The following TSPEAR variants were observed in gnomAD, a reference collection of about 807,000 sequenced individuals.
TSPEAR encodes thrombospondin type laminin G domain and EAR repeats.
TSPEAR carries 69 observed loss-of-function variants against 71.6 expected under a neutral mutation model. The ratio of observed to expected loss-of-function variants is 0.96; its 90% CI spans 0.79 to 1.18. The LOEUF (loss-of-function observed/expected upper bound fraction) is 1.18, where lower values mean the gene tolerates loss of function less well. Among genes scored for constraint, TSPEAR ranks in the 50% most tolerant of loss-of-function variants. The pLI, the probability that TSPEAR is intolerant of heterozygous loss-of-function variation, is 0.00. For missense variants in TSPEAR, 971 were observed against 894.9 expected, an observed-to-expected ratio of 1.09 and a Z score of -1.09; for synonymous variants, 402 against 387.2, an observed-to-expected ratio of 1.04 and a Z score of -0.45.
At chr21:44,563,017 T>C (rs1555921300) in intron 2 of TSPEAR, among the ~76,000 whole-genome samples, 1 of 152,172 alleles carries the variant, frequency 6.6e-6, no homozygotes, top group Non-Finnish European at 1.5e-5. Context: ...TAAAAAGCAA[T>C]ATAAAAAGGT....
At chr21:44,598,358 A>G (rs909983783) in intron 1 of TSPEAR, among the ~76,000 whole-genome samples, 6 of 152,248 alleles carry the variant, frequency 3.9e-5, no homozygotes, top group Admixed American at 1.3e-4. Flanking sequence ...CGTTAGGAAT[A>G]AAAACTTCTA....
At chr21:44,671,368 G>A (rs1339850900) in intron 1 of TSPEAR, among the ~76,000 whole-genome samples, 2 of 152,206 alleles carry the variant, frequency 1.3e-5, no homozygotes, top group African/African-American at 4.8e-5. Context: ...TAGCACATAA[G>A]CAAGCTGTCT....
chr21:44,602,691 T>C (rs898446039), intron 1 of TSPEAR, among the ~76,000 whole-genome samples: 2 of 152,146 alleles, frequency 1.3e-5, no homozygotes, highest in South Asian at 2.1e-4. Flanking sequence ...ACGTGACCAG[T>C]CCCCGGGTAC....
intron 1 of TSPEAR, among the ~76,000 whole-genome samples, chr21:44,701,980 TC>T (rs1305497757): frequency 4.6e-5 from 7 of 152,154 alleles, no homozygotes; most frequent in African/African-American, 1.7e-4. Context: ...TTCCGTGAGA[TC>T]CACGTTCTCT....
At position 44,612,920 on chromosome 21, in the gene TSPEAR, C is replaced by T. The variant is rs375911251; in HGVS notation, c.83-44915G>A. 1.1e-4 allele frequency: 171 copies of T among 1,602,728 alleles called. No homozygotes were observed. The African/African-American group carries it at 1.7e-3, about 16-fold the overall frequency. On this transcript the variant is annotated intron_variant, in intron 1 of 11. Transcript: ENST00000323084. This position sits in a 1 kb window ranked among gnomAD's most constrained non-coding sequence, Gnocchi z 4.1. Reference sequence around the variant, plus strand: ...CCAGGAGTCCAGCTGCTGATGGGCACGTCCCCCAGGGCCAGCCGGCTCCGG... The same window carrying T: ...CCAGGAGTCCAGCTGCTGATGGGCATGTCCCCCAGGGCCAGCCGGCTCCGG...
chr21:44,644,270 G>A (rs1290034364), intron 1 of TSPEAR, among the ~76,000 whole-genome samples: 2 of 152,196 alleles, frequency 1.3e-5, no homozygotes, highest in East Asian at 3.8e-4. Context: ...TGTTGTGGCT[G>A]ACGTAAAAAG....
In TSPEAR at chr21:44,509,327, C is replaced by T; in HGVS notation, c.1626G>A (p.Val542=). 6.2e-7 allele frequency: 1 copy of T among 1,614,034 alleles called. No homozygotes were observed. The change falls in exon 10 of 12, where the codon GTG becomes GTA. Residue 542 remains valine, a synonymous_variant. Coordinates refer to ENST00000323084, the MANE Select transcript of TSPEAR (RefSeq NM_144991.3). ...CCACATCGTAGCTGTGACTGTTTGC[C>T]ACAGCGAGGAAGATCCTCTCCCCGA... ...FQIGERIFLA[V]ANSHSYDVEM... is the part of the protein sequence containing the mutation.
intron 2 of TSPEAR, among the ~76,000 whole-genome samples, chr21:44,565,743 A>G (rs2053694629): frequency 6.6e-6 from 1 of 152,264 alleles, no homozygotes; most frequent in African/African-American, 2.4e-5. Flanking sequence ...TGAAGAATCC[A>G]CAGTTAATAT....
At chr21:44,674,939 G>A (rs73234826) in intron 1 of TSPEAR, among the ~76,000 whole-genome samples, 5,984 of 150,836 alleles carry the variant, frequency 0.04, 131 homozygotes, top group Middle Eastern at 0.083. Context: ...GTAATAAAAA[G>A]TCTCCCAGCA....
At chr21:44,530,509 C>G (rs2052947544) in intron 4 of TSPEAR, among the ~76,000 whole-genome samples, 1 of 148,172 alleles carries the variant, frequency 6.7e-6, no homozygotes, top group African/African-American at 2.6e-5. Flanking sequence ...CTGTTCATCT[C>G]TCCACGCATC....
At chr21:44,556,757 A>C (rs2053538112) in intron 2 of TSPEAR, among the ~76,000 whole-genome samples, 1 of 152,204 alleles carries the variant, frequency 6.6e-6, no homozygotes, top group Non-Finnish European at 1.5e-5. Context: ...TGTTTGACCC[A>C]TCATCCTGCT....
chr21:44,555,636 A>G (rs170846), intron 2 of TSPEAR, among the ~76,000 whole-genome samples: 35,629 of 151,842 alleles, frequency 0.23, 4,522 homozygotes, highest in East Asian at 0.37. Context: ...CCCAGTCCTT[A>G]TGTGGTGAGT....
chr21:44,599,172 C>CTCTCTCTCTCTCTCTCT lies in TSPEAR; in HGVS notation c.83-31168_83-31167insAGAGAGAGAGAGAGAGA, dbSNP rs1372930980. Among the ~76,000 whole-genome samples, 557 of 145,918 alleles carry CTCTCTCTCTCTCTCTCT rather than the reference C, an allele frequency of 3.8e-3. 1 individual carries two copies. Among genetic ancestry groups the CTCTCTCTCTCTCTCTCT allele is most frequent in the East Asian group, 5.6e-3 (28 of 5,006 alleles). On this transcript the variant is annotated intron_variant, in intron 1 of 11. Transcript: ENST00000323084. ...TCTCTCTCTCTCTCTCTCTCTCTCTCCTTCCATCCCATAGGACCAGATCCT... is the reference window on the plus strand; with the variant it reads ...TCTCTCTCTCTCTCTCTCTCTCTCTCTCTCTCTCTCTCTCTCTCTTCCATCCCATAGGACCAGATCCT...
In TSPEAR at chr21:44,525,654, T is replaced by C. The variant is rs200789378; in HGVS notation, c.1335A>G (p.Glu445=). Residue 445 remains glutamate, a splice_region_variant and synonymous_variant, in exon 8 of 12, where the codon GAA becomes GAG. Coordinates refer to ENST00000323084, the MANE Select transcript of TSPEAR (RefSeq NM_144991.3). ...EHFLAVANHR[E]GDNHNIDSVI... ...GTGTGAAGGCCACTCCTGCCCTACC[T>C]TCCCGGTGGTTGGCCACCGCCAGGA... The C allele has an allele frequency of 1.3e-4, 213 of 1,614,044 alleles. 2 individuals are homozygous for C. In the Middle Eastern group the frequency reaches 1.5e-3, roughly 11 times the overall value.
rs376759662 is a variant in TSPEAR at position 44,525,815 on chromosome 21, C to G, written c.1174G>C (p.Glu392Gln). ...KKIFLAVANF[E>Q]PDEKGQEFSV... Reference sequence around the variant, plus strand: ...AACTCCTGACCCTTCTCATCTGGTTCAAAATTAGCCACTGCCAGGAAGATC... The same window carrying G: ...AACTCCTGACCCTTCTCATCTGGTTGAAAATTAGCCACTGCCAGGAAGATC... The change falls in exon 8 of 12, where the codon GAA becomes CAA. Residue 392 changes from glutamate to glutamine, a missense_variant. By Grantham distance (29) the Glu-to-Gln change is conservative (BLOSUM62 2). Coordinates refer to ENST00000323084, the MANE Select transcript of TSPEAR (RefSeq NM_144991.3). The G allele has an allele frequency of 3.1e-6, 5 of 1,613,962 alleles. No homozygotes were observed. The highest frequency in any genetic ancestry group is 1.7e-5 in the Admixed American group (1 of 60,010).
rs111167388 is a variant in TSPEAR, at chr21:44,524,119, A to T, written c.1336+1534T>A. Among the ~76,000 whole-genome samples the T allele has an allele frequency of 1.9e-3, 277 of 148,686 alleles. 1 individual carries two copies. The highest frequency in any genetic ancestry group is 6.6e-3 in the African/African-American group (265 of 40,450). On this transcript the variant is annotated intron_variant, in intron 8 of 11. Transcript: ENST00000323084. Reference sequence around the variant, plus strand: ...GTGAGGTAGTCAGGTAGTCAGTCAGATAGTCAGTCAGTCAGTGAGGTAGTC... The same window carrying T: ...GTGAGGTAGTCAGGTAGTCAGTCAGTTAGTCAGTCAGTCAGTGAGGTAGTC...
intron 2 of TSPEAR, among the ~76,000 whole-genome samples, chr21:44,543,564 A>G (rs1555917437): frequency 6.6e-6 from 1 of 152,236 alleles, no homozygotes; most frequent in East Asian, 1.9e-4. Flanking sequence ...AGATATAATT[A>G]GTTAAGTCAT....
intron 2 of TSPEAR, among the ~76,000 whole-genome samples, chr21:44,538,346 C>T (rs748531993): frequency 1.3e-5 from 2 of 151,654 alleles, no homozygotes; most frequent in African/African-American, 2.4e-5. Context: ...ATGAGAGTGT[C>T]GCTGACTGTG....
At chr21:44,698,195 T>TC (rs1332510401) in intron 1 of TSPEAR, among the ~76,000 whole-genome samples, 24 of 152,242 alleles carry the variant, frequency 1.6e-4, no homozygotes, top group Admixed American at 7.2e-4. Context: ...TGGTCTCGCC[T>TC]CCTTGGAAGC....
Sources: allele counts gnomAD v4.1 joint callset (sites outside exome capture counted in the v4.1 genomes callset), GRCh38; gene constraint gnomAD v4.1.1; non-coding constraint Gnocchi (gnomAD v3.1); transcripts MANE v1.5; gene names NCBI Gene and HGNC (gene_info 2026-07-23, HGNC 2026-07-21).